The following ZNF831 variants were observed in gnomAD, a reference collection of about 807,000 sequenced individuals.
ZNF831 encodes zinc finger protein 831, also known as chromosome 20 open reading frame 174.
A neutral mutation model predicts 95.8 loss-of-function variants in ZNF831; 59 were observed. The ratio of observed to expected loss-of-function variants is 0.62; its 90% CI spans 0.50 to 0.77. The LOEUF is 0.77. Among genes scored for constraint, ZNF831 ranks in the 30% least tolerant of loss-of-function variants. The pLI is 0.00. For synonymous variants in ZNF831, 961 were observed against 925.5 expected, an observed-to-expected ratio of 1.04 and a Z score of -0.70; for missense variants, 2,205 against 2,164.0, an observed-to-expected ratio of 1.02 and a Z score of -0.38.
intron 1 of ZNF831, among the ~76,000 whole-genome samples, chr20:59,184,763 A>G (rs1982880097): frequency 1.3e-5 from 2 of 152,038 alleles, no homozygotes; most frequent in African/African-American, 4.8e-5. Context: ...CTAAAAACCT[A>G]CTTATGGCAT....
chr20:59,194,665 C>T lies in ZNF831; in HGVS notation c.3646C>T (p.Leu1216Phe). The change falls in exon 2 of 6, where the codon CTC becomes TTC. Residue 1216 changes from leucine (L) to phenylalanine (F), a missense_variant. Coordinates refer to ENST00000371030, the MANE Select transcript of ZNF831 (RefSeq NM_178457.3). ...GGCGGTGCACTTTCCTGGTAGCAGC[C>T]TCCGAGATGAGGGTCCCAATGGCCC... ...YLAVHFPGSS[L>F]RDEGPNGPPG... 1 of 1,613,266 alleles carries T rather than the reference C, an allele frequency of 6.2e-7. No homozygotes were observed. Among genetic ancestry groups the T allele is most frequent in the Non-Finnish European group, 8.5e-7 (1 of 1,179,732 alleles).
chr20:59,152,111 C>T (rs190284494), intron 2 of ZNF831, among the ~76,000 whole-genome samples: 9 of 152,256 alleles, frequency 5.9e-5, no homozygotes, highest in Admixed American at 1.3e-4. Flanking sequence ...GTTGCCTGAT[C>T]AATCATAATA....
intron 1 of ZNF831, among the ~76,000 whole-genome samples, chr20:59,128,005 T>C (rs977418637): frequency 3.3e-5 from 5 of 152,228 alleles, no homozygotes; most frequent in African/African-American, 1.2e-4. Flanking sequence ...CTGCCTATCC[T>C]GGGGGCCGTG....
chr20:59,127,772 C>A (rs1049842478), intron 1 of ZNF831, among the ~76,000 whole-genome samples: 1 of 152,216 alleles, frequency 6.6e-6, no homozygotes. Flanking sequence ...CCCTCCACCC[C>A]CAGGAAGCAT....
chr20:59,211,395 A>G (rs1985320931), intron 4 of ZNF831, among the ~76,000 whole-genome samples: 1 of 152,244 alleles, frequency 6.6e-6, no homozygotes, highest in Non-Finnish European at 1.5e-5. Context: ...TAGCCCAGAG[A>G]ATATCAATCA....
rs116692773 is a variant in ZNF831 at position 59,140,451 on chromosome 20, C to T, written c.-1424-5780C>T. Reference sequence around the variant, plus strand: ...AACAGTAAACCACAGAACTTAGGCACCATCACAATTTTTTTCTGCATTCAT... The same window carrying T: ...AACAGTAAACCACAGAACTTAGGCATCATCACAATTTTTTTCTGCATTCAT... On this transcript the variant is annotated intron_variant, in intron 1 of 7. Transcript: ENST00000637017. Among the ~76,000 whole-genome samples the T allele has an allele frequency of 8.9e-3, 1,355 of 152,176 alleles. 15 individuals carry two copies. The highest frequency in any genetic ancestry group is 0.031 in the African/African-American group (1,276 of 41,450).
At chr20:59,155,363 T>C (rs75245746) in intron 2 of ZNF831, among the ~76,000 whole-genome samples, 15,255 of 152,240 alleles carry the variant, frequency 0.1, 839 homozygotes, top group Non-Finnish European at 0.12. Flanking sequence ...TTTTTGTCTG[T>C]GTGCAGCTGT....
rs970845124 is a variant in ZNF831, at chr20:59,143,564, C to T, written c.-1424-2667C>T. Among the ~76,000 whole-genome samples, 7 of 152,350 alleles carry T rather than the reference C, an allele frequency of 4.6e-5. No individual in the cohort carries two copies. In the East Asian group the frequency reaches 5.8e-4, roughly 13 times the overall value. On this transcript the variant is annotated intron_variant, in intron 1 of 7. Coordinates refer to the ZNF831 transcript ENST00000637017. ...GCCCTACCTGGCTCTTCAGAGCTCT[C>T]ACCCACCTGGGACTTCTCTGCCGTG...
At chr20:59,172,772 A>G (rs979263580) in intron 1 of ZNF831, among the ~76,000 whole-genome samples, 1 of 152,184 alleles carries the variant, frequency 6.6e-6, no homozygotes, top group African/African-American at 2.4e-5. Context: ...ACTCCTGTCA[A>G]TGAATTTGGT....
chr20:59,194,240 G>A lies in ZNF831; in HGVS notation c.3221G>A (p.Arg1074His), dbSNP rs200337383. 190 of 1,613,774 alleles carry A rather than the reference G, an allele frequency of 1.2e-4. No individual in the cohort carries two copies. The highest frequency in any genetic ancestry group is 1.5e-4 in the Non-Finnish European group (178 of 1,179,974). ...LVQDMEGDSH[R>H]IHRLCMGSTL... is the part of the protein sequence containing the mutation. Reference sequence around the variant, plus strand: ...CAGGACATGGAGGGTGACAGCCACCGTATCCATCGCCTCTGCATGGGCAGC... The same window carrying A: ...CAGGACATGGAGGGTGACAGCCACCATATCCATCGCCTCTGCATGGGCAGC... The change falls in exon 2 of 6, where the codon CGT (arginine) becomes CAT (histidine). Residue 1074 changes from arginine (R) to histidine (H), a missense_variant. Transcript: ENST00000371030.
At chr20:59,229,290 G>T (rs750985402) in intron 4 of ZNF831, among the ~76,000 whole-genome samples, 7 of 152,174 alleles carry the variant, frequency 4.6e-5, no homozygotes, top group Non-Finnish European at 7.3e-5. Context: ...TATCTCTTTG[G>T]TATAATGATT....
chr20:59,138,062 A>C (rs2146441827), intron 1 of ZNF831, among the ~76,000 whole-genome samples: 1 of 152,348 alleles, frequency 6.6e-6, no homozygotes, highest in East Asian at 1.9e-4. Flanking sequence ...AGACACAGTA[A>C]TGTATTTAGG....
Position 59,193,603 on chromosome 20 carries a change from C to G in ZNF831, c.2584C>G (p.Pro862Ala), listed in dbSNP as rs1345072290. The change falls in exon 2 of 6, where the codon CCC (proline) becomes GCC (alanine). Residue 862 changes from proline (P) to alanine (A), a missense_variant. Transcript: ENST00000371030. ...SLSSQKQDAD[P>A]GEVPGGSKES... ...GTCATCCCAGAAGCAGGATGCCGATCCCGGGGAGGTGCCAGGGGGCTCAAA... is the reference window on the plus strand; with the variant it reads ...GTCATCCCAGAAGCAGGATGCCGATGCCGGGGAGGTGCCAGGGGGCTCAAA... 1.2e-6 allele frequency: 2 copies of G among 1,612,050 alleles called. No individual in the cohort carries two copies. Among genetic ancestry groups the G allele is most frequent in the Non-Finnish European group, 1.7e-6 (2 of 1,179,268 alleles).
At position 59,193,740 on chromosome 20, in the gene ZNF831, T is replaced by A. The variant is rs373406520; in HGVS notation, c.2721T>A (p.His907Gln). 5 of 1,610,386 alleles carry A rather than the reference T, an allele frequency of 3.1e-6. No individual in the cohort carries two copies. The African/African-American group carries it at 4.0e-5, about 13-fold the overall frequency. ...CAAGGGACAAGGCTACCCCACTGCA[T>A]CCTGCAGCCCCAGCCCCCGCAGAGC... ...VGPRDKATPLHPAAPAPAEHP... is the reference protein window; with the variant it reads ...VGPRDKATPLQPAAPAPAEHP... The change falls in exon 2 of 6, where the codon CAT becomes CAA. Residue 907 changes from histidine to glutamine, a missense_variant. Physicochemically the swap from His to Gln is conservative, Grantham distance 24. Transcript: ENST00000371030.
At chr20:59,133,588 GA>G (rs2146437925) in intron 1 of ZNF831, among the ~76,000 whole-genome samples, 1 of 152,282 alleles carries the variant, frequency 6.6e-6, no homozygotes, top group African/African-American at 2.4e-5. Context: ...GAGGAAAAGG[GA>G]ATAGAAAGCA....
At chr20:59,204,955 G>A (rs751320500) in intron 3 of ZNF831, among the ~76,000 whole-genome samples, 4 of 152,336 alleles carry the variant, frequency 2.6e-5, no homozygotes, top group South Asian at 4.1e-4. Context: ...TGAAGACATT[G>A]CCAAGGTCCA....
rs113649738 is a variant in ZNF831 at position 59,210,626 on chromosome 20, C to T, written c.4027+3570C>T. On this transcript the variant is annotated intron_variant, in intron 4 of 5. Coordinates refer to ENST00000371030, the MANE Select transcript of ZNF831 (RefSeq NM_178457.3). ...TGGGGGCCTCAGTGAGCAGAGAGCCCAGAATGAAAAGCCCTTTCACCCCTT... is the reference window on the plus strand; with the variant it reads ...TGGGGGCCTCAGTGAGCAGAGAGCCTAGAATGAAAAGCCCTTTCACCCCTT... Among the ~76,000 whole-genome samples, 1,216 of 152,258 alleles carry T rather than the reference C, an allele frequency of 8.0e-3. 19 individuals carry two copies. Among genetic ancestry groups the T allele is most frequent in the African/African-American group, 0.027 (1,113 of 41,556 alleles).
At chr20:59,136,480 C>A (rs192085823) in intron 1 of ZNF831, among the ~76,000 whole-genome samples, 6 of 152,238 alleles carry the variant, frequency 3.9e-5, no homozygotes, top group Non-Finnish European at 7.4e-5. Context: ...AATGGTGGGA[C>A]AGGACACCAG....
intron 2 of ZNF831, among the ~76,000 whole-genome samples, chr20:59,152,469 G>A (rs939977053): frequency 2.0e-5 from 3 of 152,148 alleles, no homozygotes; most frequent in East Asian, 1.9e-4. Flanking sequence ...GGAGAGCCTG[G>A]GGGCCTTTGG....
Sources: gnomAD v4.1 joint callset for allele counts (sites outside exome capture counted in the v4.1 genomes callset) on GRCh38, gnomAD v4.1.1 for gene constraint, MANE v1.5 for transcripts, NCBI Gene and HGNC (gene_info 2026-07-23, HGNC 2026-07-21) for gene names.